MAP3K13: variants seen among roughly 807,000 people sequenced by gnomAD.
MAP3K13 encodes the protein mitogen-activated protein kinase kinase kinase 13, also known as leucine zipper-bearing kinase.
In MAP3K13, 52 loss-of-function variants were observed where a neutral mutation model predicts 104.0. That is an observed-to-expected ratio of 0.50 (90% CI 0.40 to 0.63). MAP3K13 has a LOEUF of 0.63. Ranked by LOEUF, MAP3K13 falls within the 20% of genes least tolerant of loss-of-function variation. MAP3K13 has a pLI of 0.00. For missense variants in MAP3K13, 914 were observed against 1,218.5 expected (o/e 0.75, Z 3.72); for synonymous variants, 394 against 442.2 (o/e 0.89, Z 1.37).
intron 2 of MAP3K13, among the ~76,000 whole-genome samples, chr3:185,356,864 ATGT>A (rs1194867154): frequency 2.6e-5 from 1 of 38,558 alleles, no homozygotes; most frequent in East Asian, 5.0e-4. Flanking sequence ...GGCAGACTTC[ATGT>A]ATGTATGTAT....
intron 1 of MAP3K13, among the ~76,000 whole-genome samples, chr3:185,374,307 T>C (rs1341548281): frequency 6.6e-6 from 1 of 152,016 alleles, no homozygotes; most frequent in Middle Eastern, 3.2e-3. Context: ...GCGAAAATTT[T>C]TGGGGGTTGT....
intron 8 of MAP3K13, among the ~76,000 whole-genome samples, chr3:185,464,620 T>C (rs1201579023): frequency 2.0e-5 from 3 of 152,242 alleles, no homozygotes; most frequent in African/African-American, 4.8e-5. Flanking sequence ...CATGCAAAAC[T>C]GTGAGTTAAT....
intron 11 of MAP3K13, among the ~76,000 whole-genome samples, chr3:185,476,854 A>C (rs536900238): frequency 6.6e-6 from 1 of 152,354 alleles, no homozygotes; most frequent in East Asian, 1.9e-4. Context: ...ACCCTCAAAA[A>C]TGTCTATCTA....
intron 2 of MAP3K13, among the ~76,000 whole-genome samples, chr3:185,344,865 A>G (rs778504762): frequency 4.7e-5 from 7 of 150,164 alleles, no homozygotes; most frequent in Non-Finnish European, 7.4e-5. Context: ...TCGCAACTTC[A>G]TTTCTACTAA....
chr3:185,408,220 G>A (rs1171881383), intron 1 of MAP3K13, among the ~76,000 whole-genome samples: 2 of 152,070 alleles, frequency 1.3e-5, no homozygotes, highest in African/African-American at 2.4e-5. Context: ...TATTTCATGA[G>A]AGAAACCATT....
rs530165375 is a variant in MAP3K13, at chr3:185,325,142, G to A, written c.-86+39499G>A. On this transcript the variant is annotated intron_variant, in intron 2 of 14. Coordinates refer to the MAP3K13 transcript ENST00000424227. ...AAGTAGACGTAGTTAGGCTGAAAAG[G>A]TTACTTACTATGACAGAGGACAGCC... 3.9e-4 allele frequency among the ~76,000 whole-genome samples: 59 copies of A among 152,288 alleles called. 1 individual carries two copies. The South Asian group carries it at 8.5e-3, about 22-fold the overall frequency.
intron 5 of MAP3K13, among the ~76,000 whole-genome samples, 169 bp from the exon 6 acceptor site, chr3:185,449,731 A>ATT (rs11322943): frequency 1.3e-4 from 19 of 144,566 alleles, no homozygotes; most frequent in Admixed American, 2.1e-4. Flanking sequence ...CCCCACATAG[A>ATT]TTTTTTTTTT....
chr3:185,455,592 TGA>T (rs1716567259), intron 7 of MAP3K13, among the ~76,000 whole-genome samples: 2 of 70,138 alleles, frequency 2.9e-5, no homozygotes, highest in African/African-American at 9.8e-5. Flanking sequence ...ATGATATATA[TGA>T]GATATATATA....
At chr3:185,397,069 CATAAG>C (rs1712469446) in intron 1 of MAP3K13, among the ~76,000 whole-genome samples, 1 of 151,508 alleles carries the variant, frequency 6.6e-6, no homozygotes, top group Non-Finnish European at 1.5e-5. Context: ...AGAACCAATT[CATAAG>C]ATAAGAGAAT....
intron 1 of MAP3K13, among the ~76,000 whole-genome samples, chr3:185,410,022 A>G (rs577179837): frequency 6.6e-6 from 1 of 152,280 alleles, no homozygotes; most frequent in Admixed American, 6.5e-5. Context: ...ACCTTATGAG[A>G]TCCCTCGAAT....
intron 11 of MAP3K13, among the ~76,000 whole-genome samples, chr3:185,475,073 G>A (rs190053675): frequency 2.9e-5 from 4 of 139,830 alleles, no homozygotes; most frequent in East Asian, 4.3e-4. Context: ...CAGACTGGGC[G>A]ACAGTGTGAG....
intron 7 of MAP3K13, among the ~76,000 whole-genome samples, chr3:185,454,224 T>C (rs1279485128): frequency 3.0e-5 from 1 of 33,092 alleles, no homozygotes; most frequent in African/African-American, 7.4e-5. Context: ...GAGATATATA[T>C]ATGATACATA....
intron 7 of MAP3K13, among the ~76,000 whole-genome samples, chr3:185,457,760 T>G (rs1211642318): frequency 6.6e-6 from 1 of 152,218 alleles, no homozygotes; most frequent in African/African-American, 2.4e-5. Flanking sequence ...TCTGCTATTT[T>G]GCTACCTCCT....
upstream of MAP3K13, among the ~76,000 whole-genome samples, chr3:185,358,978 C>T (rs1252482982): frequency 2.6e-5 from 4 of 152,176 alleles, no homozygotes; most frequent in African/African-American, 9.7e-5. Context: ...CTTGGATGAA[C>T]TTCCCTTTGG....
chr3:185,428,713 G>A lies in MAP3K13; in HGVS notation c.132G>A (p.Glu44=). ...MGNHPSPKLL[E]DQQEKGMVRT... is the part of the protein sequence containing the mutation. ...ACCACCCTTCTCCCAAGCTGCTCGA[G>A]GACCAGCAGGAAAAGGGGATGGTAC... Residue 44 remains glutamate, a synonymous_variant, in exon 2 of 14, where the codon GAG becomes GAA. Coordinates refer to ENST00000265026, the MANE Select transcript of MAP3K13 (RefSeq NM_004721.5). The A allele has an allele frequency of 6.2e-7, 1 of 1,614,182 alleles. No individual in the cohort carries two copies. Among genetic ancestry groups the A allele is most frequent in the Non-Finnish European group, 8.5e-7 (1 of 1,180,024 alleles).
intron 2 of MAP3K13, among the ~76,000 whole-genome samples, chr3:185,331,114 A>G (rs1327519143): frequency 6.6e-5 from 1 of 15,154 alleles, no homozygotes; most frequent in African/African-American, 1.3e-4. Flanking sequence ...TTTTTTTGAG[A>G]CGGAGTTTCA....
At chr3:185,312,608 ATTAACAT>A (rs1291714699) in intron 2 of MAP3K13, among the ~76,000 whole-genome samples, 1 of 152,226 alleles carries the variant, frequency 6.6e-6, no homozygotes, top group African/African-American at 2.4e-5. Flanking sequence ...TTCTAAACAA[ATTAACAT>A]TTATCAAGTA....
intron 2 of MAP3K13, among the ~76,000 whole-genome samples, chr3:185,348,462 C>G (rs1226397683): frequency 2.0e-5 from 3 of 152,188 alleles, no homozygotes; most frequent in Admixed American, 2.0e-4. Context: ...ATAGTTTTCT[C>G]TAGATCATAA....
intron 12 of MAP3K13, among the ~76,000 whole-genome samples, chr3:185,479,202 G>A (rs983556505): frequency 1.3e-5 from 2 of 152,188 alleles, no homozygotes; most frequent in Admixed American, 6.5e-5. Context: ...TTGAAGGTTG[G>A]TCAACAGAGG....
Sources: allele counts gnomAD v4.1 joint callset (sites outside exome capture counted in the v4.1 genomes callset), GRCh38; gene constraint gnomAD v4.1.1; transcripts MANE v1.5; gene names NCBI Gene and HGNC (gene_info 2026-07-23, HGNC 2026-07-21).